The following LRP5 variants were observed in gnomAD, a reference collection of about 807,000 sequenced individuals.
LRP5 encodes low-density lipoprotein receptor-related protein 5.
A neutral mutation model predicts 154.1 loss-of-function variants in LRP5; 62 were observed. That is an observed-to-expected ratio of 0.40 (90% confidence interval 0.33 to 0.50). The LOEUF (loss-of-function observed/expected upper bound fraction) is 0.50, where lower values mean the gene tolerates loss of function less well. LRP5 is among the 20% of genes least tolerant of loss of function. The pLI, the probability that LRP5 is intolerant of heterozygous loss-of-function variation, is 0.55. For synonymous variants in LRP5, 966 were observed against 1,011.5 expected (o/e 0.96, Z 0.85); for missense variants, 1,915 against 2,336.7 (o/e 0.82, Z 3.72).
chr11:68,383,295 T>G (rs998505615), intron 5 of LRP5, among the ~76,000 whole-genome samples: 1 of 152,198 alleles, frequency 6.6e-6, no homozygotes, highest in African/African-American at 2.4e-5. Flanking sequence ...GGGGCCATGA[T>G]GGACACACTG....
At chr11:68,394,764 C>G (rs115344040) in intron 7 of LRP5, among the ~76,000 whole-genome samples, 1 of 152,096 alleles carries the variant, frequency 6.6e-6, no homozygotes, top group African/African-American at 2.4e-5. Flanking sequence ...GCGCCCGGCC[C>G]GATTTCCCAC....
chr11:68,365,288 T>A (rs1276534310), intron 4 of LRP5, among the ~76,000 whole-genome samples: 1 of 151,714 alleles, frequency 6.6e-6, no homozygotes, highest in Non-Finnish European at 1.5e-5. Flanking sequence ...TGTCACTCCA[T>A]GGGCAGGTCA....
At position 68,348,040 on chromosome 11, in the gene LRP5, G is replaced by A. The variant is rs745983270; in HGVS notation, c.285G>A (p.Thr95=). 55 of 1,613,990 alleles carry A rather than the reference G, an allele frequency of 3.4e-5. No homozygotes were observed. In the East Asian group the frequency reaches 1.1e-3, roughly 32 times the overall value. The change falls in exon 2 of 23, where the codon ACG becomes ACA. Residue 95 remains threonine (T), a synonymous_variant. Coordinates refer to ENST00000294304, the MANE Select transcript of LRP5 (RefSeq NM_002335.4). ...EAIKQTYLNQ[T]GAAVQNVVIS... ...TCAAGCAGACCTACCTGAACCAGAC[G>A]GGGGCCGCCGTGCAGAACGTGGTCA...
chr11:68,443,293 G>A (rs985103054), intron 21 of LRP5, among the ~76,000 whole-genome samples: 8 of 151,102 alleles, frequency 5.3e-5, no homozygotes, highest in African/African-American at 9.7e-5. Flanking sequence ...ACTTGAGGCC[G>A]GGAGTTTGAG....
At chr11:68,299,081 A>G in the LRP5 span, among the ~76,000 whole-genome samples, 1 of 151,120 alleles carries the variant, frequency 6.6e-6, no homozygotes, top group Non-Finnish European at 1.5e-5. Flanking sequence ...CCCCCTCCAC[A>G]CTCCACCAAC....
chr11:68,403,933 A>G, intron 8 of LRP5: 2 of 595,908 alleles, frequency 3.4e-6, no homozygotes, highest in African/African-American at 1.9e-5. Context: ...AGTGACTAAC[A>G]TTTGTTGAGC....
intron 14 of LRP5, among the ~76,000 whole-genome samples, chr11:68,424,862 G>A (rs767171377): frequency 5.3e-5 from 8 of 152,218 alleles, no homozygotes; most frequent in Non-Finnish European, 7.3e-5. Flanking sequence ...CATTGTGGTC[G>A]TATCTTGATC....
chr11:68,371,623 G>A (rs1273018694), intron 5 of LRP5, among the ~76,000 whole-genome samples: 7 of 152,384 alleles, frequency 4.6e-5, no homozygotes, highest in African/African-American at 7.2e-5. Flanking sequence ...TATTGCGGCC[G>A]TGCGCCCGGC....
rs773523589 is a variant in LRP5 at position 68,446,553 on chromosome 11, C to T, written c.4586+20C>T. 26 of 1,594,244 alleles carry T rather than the reference C, an allele frequency of 1.6e-5. No individual in the cohort carries two copies. Among genetic ancestry groups the T allele is most frequent in the Non-Finnish European group, 2.2e-5 (25 of 1,162,032 alleles). ...GTACAGGTAGGACATCCCCTGCAGC[C>T]CTCCATGGCCATTGGGTTCCCGCCA... On this transcript the variant is annotated intron_variant, in intron 22 of 22. Coordinates refer to ENST00000294304, the MANE Select transcript of LRP5 (RefSeq NM_002335.4).
chr11:68,336,351 C>T (rs924214389), intron 1 of LRP5, among the ~76,000 whole-genome samples: 1 of 152,176 alleles, frequency 6.6e-6, no homozygotes, highest in Non-Finnish European at 1.5e-5. Flanking sequence ...GCGACCAACC[C>T]ACATTTAAAA....
rs1160394038 is a variant in LRP5 at position 68,447,750 on chromosome 11, C to G, written c.4587-1059C>G. Among the ~76,000 whole-genome samples, 2 of 152,190 alleles carry G rather than the reference C, an allele frequency of 1.3e-5. No individual in the cohort carries two copies. Among genetic ancestry groups the G allele is most frequent in the Non-Finnish European group, 2.9e-5 (2 of 68,032 alleles). ...TCTCAACACCCGGTGTTGGCTGCAC[C>G]TTCCCACCCATTGCAGGCCCCTCTG... On this transcript the variant is annotated intron_variant, in intron 22 of 22. Transcript: ENST00000294304. This position sits in a 1 kb window ranked among gnomAD's most constrained non-coding sequence, Gnocchi z 4.3.
intron 1 of LRP5, among the ~76,000 whole-genome samples, chr11:68,341,289 T>C (rs2098608997): frequency 6.6e-6 from 1 of 151,934 alleles, no homozygotes; most frequent in South Asian, 2.1e-4. Flanking sequence ...GGTGATCTGG[T>C]GGGTCCTGGG....
At chr11:68,309,580 C>CT (rs35335751), upstream of LRP5, among the ~76,000 whole-genome samples, 482 of 137,112 alleles carry the variant, frequency 3.5e-3, 3 homozygotes, top group Admixed American at 8.3e-3. Flanking sequence ...CTTCATAATG[C>CT]TTTTTTTTTT....
intron 2 of LRP5, among the ~76,000 whole-genome samples, chr11:68,354,079 G>C (rs921832836): frequency 1.3e-5 from 2 of 152,162 alleles, no homozygotes; most frequent in Non-Finnish European, 2.9e-5. Flanking sequence ...TGGCCCCCGG[G>C]TCTCAAATTA....
At chr11:68,444,498 C>A (rs1266886703) in intron 21 of LRP5, among the ~76,000 whole-genome samples, 1 of 151,746 alleles carries the variant, frequency 6.6e-6, no homozygotes, top group Non-Finnish European at 1.5e-5. Flanking sequence ...GCCTGGGCAA[C>A]AAGAGCGAGA....
chr11:68,304,837 G>A, the LRP5 span, among the ~76,000 whole-genome samples: 2 of 152,218 alleles, frequency 1.3e-5, no homozygotes, highest in Admixed American at 1.3e-4. Flanking sequence ...CTCCCTTTTG[G>A]AACAGGAATG....
rs1325161306 is a variant in LRP5, at chr11:68,386,292, A to G, written c.1016-24A>G. ...GCCTGCTGCAGGCCCTTGACCCCTG[A>G]CCCCATTGCACCTGTCTCCACAGGA... is the stretch of plus-strand genomic sequence containing the variant. On this transcript the variant is annotated intron_variant, in intron 5 of 22. Transcript: ENST00000294304. This position sits in a 1 kb window ranked among gnomAD's most constrained non-coding sequence, Gnocchi z 7.9. 1.1e-5 allele frequency: 17 copies of G among 1,608,356 alleles called. No homozygotes were observed. Among genetic ancestry groups the G allele is most frequent in the Non-Finnish European group, 1.4e-5 (17 of 1,179,834 alleles).
At chr11:68,419,399 AT>A (rs1256534143) in intron 13 of LRP5, among the ~76,000 whole-genome samples, 4 of 150,322 alleles carry the variant, frequency 2.7e-5, no homozygotes, top group African/African-American at 9.8e-5. Context: ...CATCTGGCTG[AT>A]TTTTTGTATT....
intron 5 of LRP5, among the ~76,000 whole-genome samples, chr11:68,370,563 G>C (rs2098633479): frequency 6.6e-6 from 1 of 152,198 alleles, no homozygotes; most frequent in African/African-American, 2.4e-5. Flanking sequence ...TGCCCTTCCA[G>C]TTGGATAGCT....
Sources: allele counts gnomAD v4.1 joint callset (sites outside exome capture counted in the v4.1 genomes callset), GRCh38; gene constraint gnomAD v4.1.1; non-coding constraint Gnocchi (gnomAD v3.1); transcripts MANE v1.5; gene names NCBI Gene and HGNC (gene_info 2026-07-23, HGNC 2026-07-21).